TRIM62: variants seen among roughly 807,000 people sequenced by gnomAD.
TRIM62 encodes E3 ubiquitin-protein ligase TRIM62.
A neutral mutation model predicts 44.2 loss-of-function variants in TRIM62; 39 were observed. That is an observed-to-expected ratio of 0.88 (90% CI 0.68 to 1.15). The LOEUF is 1.15. Among genes scored for constraint, TRIM62 ranks in the 50% most tolerant of loss-of-function variants. The pLI, the probability that TRIM62 is intolerant of heterozygous loss-of-function variation, is 0.00. For missense variants in TRIM62, 544 were observed against 665.5 expected (o/e 0.82, Z 2.01); for synonymous variants, 278 against 292.3 (o/e 0.95, Z 0.50).
At position 33,159,697 on chromosome 1, in the gene TRIM62, A is replaced by G. The variant is rs1284029910; in HGVS notation, c.752T>C (p.Leu251Pro). 1.2e-6 allele frequency: 2 copies of G among 1,607,842 alleles called. No homozygotes were observed. Among genetic ancestry groups the G allele is most frequent in the East Asian group, 2.2e-5 (1 of 44,806 alleles). ...RHTFLAGVAS[L>P]SERLKGKIHE... ...GGCGGGTGGCACTTACCGCTCGGAC[A>G]GTGAGGCCACCCCAGCCAGGAAGGT... is the stretch of plus-strand genomic sequence containing the variant. The change falls in exon 3 of 5, where the codon CTG (leucine) becomes CCG (proline). Residue 251 changes from leucine to proline, a missense_variant. By Grantham distance (98) the Leu-to-Pro change is moderately conservative. Transcript: ENST00000291416. This position sits in a 1 kb window ranked among gnomAD's most constrained non-coding sequence, Gnocchi z 4.2.
rs1263110799 is a variant in TRIM62, at chr1:33,161,060, T to C, written c.505-1116A>G. ...GGCAACGTCAGTTGCCTAAGAGCTG[T>C]GAACCTTAGTTTTCTTATCTGTGAA... On this transcript the variant is annotated intron_variant, in intron 2 of 4. Coordinates refer to ENST00000291416, the MANE Select transcript of TRIM62 (RefSeq NM_018207.3). This position sits in a 1 kb window ranked among gnomAD's most constrained non-coding sequence, Gnocchi z 4.3. Among the ~76,000 whole-genome samples the C allele has an allele frequency of 1.3e-5, 2 of 152,266 alleles. No individual in the cohort carries two copies. The highest frequency in any genetic ancestry group is 2.9e-5 in the Non-Finnish European group (2 of 68,040).
At chr1:33,153,239 C>T (rs1645127983) in intron 4 of TRIM62, among the ~76,000 whole-genome samples, 1 of 152,200 alleles carries the variant, frequency 6.6e-6, no homozygotes, top group Non-Finnish European at 1.5e-5. Flanking sequence ...AGGAGCCAGA[C>T]TGACTTCACA....
At position 33,161,778 on chromosome 1, in the gene TRIM62, C is replaced by T. The variant is rs1242788237; in HGVS notation, c.505-1834G>A. 6.6e-6 allele frequency among the ~76,000 whole-genome samples: 1 copy of T among 152,186 alleles called. No homozygotes were observed. Among genetic ancestry groups the T allele is most frequent in the African/African-American group, 2.4e-5 (1 of 41,436 alleles). ...GACTCCGCAGCTACTCCTCTGGCTCCTCCTAGACCACTCTGCAGCACTTAG... is the reference window on the plus strand; with the variant it reads ...GACTCCGCAGCTACTCCTCTGGCTCTTCCTAGACCACTCTGCAGCACTTAG... On this transcript the variant is annotated intron_variant, in intron 2 of 4. Coordinates refer to ENST00000291416, the MANE Select transcript of TRIM62 (RefSeq NM_018207.3). This position sits in a 1 kb window ranked among gnomAD's most constrained non-coding sequence, Gnocchi z 4.3.
At chr1:33,180,997 C>T in intron 1 of TRIM62, 28 bp downstream of exon 1, 1 of 1,538,940 alleles carries the variant, frequency 6.5e-7, no homozygotes, top group Non-Finnish European at 8.7e-7. Flanking sequence ...CGGCCCCGCC[C>T]CTTCCCCAGG....
At chr1:33,164,462 G>A (rs1487240424) in intron 2 of TRIM62, 2 of 152,378 alleles carry the variant, frequency 1.3e-5, no homozygotes, top group East Asian at 3.8e-4. Flanking sequence ...GACTGAGCCT[G>A]GCAGTCCCCA....
intron 2 of TRIM62, among the ~76,000 whole-genome samples, chr1:33,162,361 T>G (rs1645279746): frequency 6.6e-6 from 1 of 152,258 alleles, no homozygotes; most frequent in Non-Finnish European, 1.5e-5. Flanking sequence ...AAGACCTAGC[T>G]TGAAAGTGAC....
intron 4 of TRIM62, among the ~76,000 whole-genome samples, chr1:33,148,734 A>C (rs1261635609): frequency 6.6e-6 from 1 of 152,254 alleles, no homozygotes. Flanking sequence ...AATTATAAAA[A>C]GGTTATATTA....
At chr1:33,169,260 T>G (rs646417) in intron 1 of TRIM62, among the ~76,000 whole-genome samples, 150,467 of 152,220 alleles carry the variant, frequency 0.99, 74,389 homozygotes, top group Middle Eastern at 1. Flanking sequence ...CTCAGTGAAG[T>G]GCACCCCTCC....
At chr1:33,171,407 C>T (rs2124745642) in intron 1 of TRIM62, among the ~76,000 whole-genome samples, 1 of 152,264 alleles carries the variant, frequency 6.6e-6, no homozygotes, top group East Asian at 1.9e-4. Flanking sequence ...GAAATTGAGG[C>T]TCAGTGAGGT....
At position 33,156,236 on chromosome 1, in the gene TRIM62, A is replaced by G. The variant is rs148313755; in HGVS notation, c.877+2017T>C. On this transcript the variant is annotated intron_variant, in intron 4 of 4. Coordinates refer to ENST00000291416, the MANE Select transcript of TRIM62 (RefSeq NM_018207.3). ...CTCACAGATATGCTGTATTTCTTCT[A>G]TCATAAAAAACAGCACTGCCACACT... Among the ~76,000 whole-genome samples, 529 of 152,244 alleles carry G rather than the reference A, an allele frequency of 3.5e-3. 5 individuals are homozygous for G. Among genetic ancestry groups the G allele is most frequent in the Non-Finnish European group, 5.2e-3 (356 of 68,012 alleles).
chr1:33,174,949 A>G (rs919328767), intron 1 of TRIM62, among the ~76,000 whole-genome samples: 324 of 7,416 alleles, frequency 0.044, no homozygotes, highest in Admixed American at 0.15. Flanking sequence ...ATGTGTGTAT[A>G]TATATATATA....
intron 4 of TRIM62, among the ~76,000 whole-genome samples, chr1:33,155,938 C>T (rs752880334): frequency 1.8e-4 from 28 of 152,234 alleles, no homozygotes; most frequent in Non-Finnish European, 3.4e-4. Context: ...CTCCCATCTC[C>T]GCTGATGATC....
chr1:33,164,200 G>C (rs1645306464), intron 2 of TRIM62: 1 of 152,284 alleles, frequency 6.6e-6, no homozygotes, highest in Non-Finnish European at 1.5e-5. Context: ...GGAATGTTCT[G>C]TGAAGAATTG....
At chr1:33,173,900 T>C (rs1423956035) in intron 1 of TRIM62, among the ~76,000 whole-genome samples, 5 of 152,048 alleles carry the variant, frequency 3.3e-5, no homozygotes, top group Non-Finnish European at 5.9e-5. Context: ...GGTCTCTCTG[T>C]GTTGCCCAGG....
rs947399138 is a variant in TRIM62 at position 33,159,015 on chromosome 1, AT to A, written c.762-648del. Among the ~76,000 whole-genome samples, 7 of 149,872 alleles carry A rather than the reference AT, an allele frequency of 4.7e-5. No individual in the cohort carries two copies. Among genetic ancestry groups the A allele is most frequent in the Non-Finnish European group, 7.4e-5 (5 of 67,364 alleles). On this transcript the variant is annotated intron_variant, in intron 3 of 4. Transcript: ENST00000291416. This position sits in a 1 kb window ranked among gnomAD's most constrained non-coding sequence, Gnocchi z 4.2. ...GCCACCACGCCCGGCTAATTTTTGT[AT>A]TTTTTTTTAGTAGAGACGGGGTTTC...
intron 2 of TRIM62, chr1:33,164,803 G>A (rs1357272726): frequency 6.6e-6 from 1 of 151,682 alleles, no homozygotes; most frequent in Non-Finnish European, 1.5e-5. Flanking sequence ...TTTAGAGACA[G>A]GGTATCACTC....
intron 2 of TRIM62, among the ~76,000 whole-genome samples, chr1:33,162,505 A>G (rs1645281896): frequency 6.6e-6 from 1 of 152,134 alleles, no homozygotes; most frequent in Admixed American, 6.5e-5. Context: ...TAGGAATGAC[A>G]TCTCCCTCGG....
chr1:33,178,655 T>C (rs937535578), intron 1 of TRIM62, among the ~76,000 whole-genome samples: 2 of 152,158 alleles, frequency 1.3e-5, no homozygotes, highest in African/African-American at 2.4e-5. Flanking sequence ...CCTGACCCCA[T>C]TGTACAGACA....
Position 33,145,836 on chromosome 1 carries a change from G to A in TRIM62, c.*1341C>T, listed in dbSNP as rs1274404647. On this transcript the variant is annotated 3_prime_UTR_variant, in exon 5 of 5. Coordinates refer to ENST00000291416, the MANE Select transcript of TRIM62 (RefSeq NM_018207.3). ...TGGCAGAAAAACGCAGGTGGGGCTTGCTCCACCCACCCTAACTTCCTTCTA... is the reference window on the plus strand; with the variant it reads ...TGGCAGAAAAACGCAGGTGGGGCTTACTCCACCCACCCTAACTTCCTTCTA... 1 of 470,700 alleles carries A rather than the reference G, an allele frequency of 2.1e-6. No homozygotes were observed. The highest frequency in any genetic ancestry group is 4.4e-6 in the Non-Finnish European group (1 of 226,892). 29.2% of individuals were successfully genotyped at this position (470,700 alleles called of 1,614,324 possible).
Sources: allele counts gnomAD v4.1 joint callset (sites outside exome capture counted in the v4.1 genomes callset), GRCh38; gene constraint gnomAD v4.1.1; non-coding constraint Gnocchi (gnomAD v3.1); transcripts MANE v1.5; gene names NCBI Gene and HGNC (gene_info 2026-07-23, HGNC 2026-07-21).